Variants in KCNIP4 observed in about 807,000 individuals in gnomAD.
The protein encoded by KCNIP4 is Kv channel-interacting protein 4.
A neutral mutation model predicts 34.0 loss-of-function variants in KCNIP4; 12 were observed. The observed-to-expected ratio is 0.35, with a 90% CI of 0.23 to 0.57. The LOEUF (loss-of-function observed/expected upper bound fraction) is 0.57, where lower values mean the gene tolerates loss of function less well. Ranked by LOEUF, KCNIP4 falls within the 20% of genes least tolerant of loss-of-function variation. The pLI, the probability that KCNIP4 is intolerant of heterozygous loss-of-function variation, is 0.83. For synonymous variants in KCNIP4, 124 were observed against 102.2 expected, an observed-to-expected ratio of 1.21 and a Z score of -1.29; for missense variants, 238 against 311.7, an observed-to-expected ratio of 0.76 and a Z score of 1.78.
chr4:21,176,910 C>T (rs1343029203), intron 1 of KCNIP4, among the ~76,000 whole-genome samples: 1 of 152,210 alleles, frequency 6.6e-6, no homozygotes, highest in Non-Finnish European at 1.5e-5. Context: ...AAAGTTTTAT[C>T]TATCTCACAT....
chr4:20,959,996 A>C (rs527863813), intron 1 of KCNIP4, among the ~76,000 whole-genome samples: 1 of 152,342 alleles, frequency 6.6e-6, no homozygotes, highest in Non-Finnish European at 1.5e-5. Flanking sequence ...TTTTAATATC[A>C]CCATTGTCTG....
chr4:20,926,855 T>A (rs1196239910), intron 1 of KCNIP4, among the ~76,000 whole-genome samples: 1 of 152,242 alleles, frequency 6.6e-6, no homozygotes, highest in Non-Finnish European at 1.5e-5. Flanking sequence ...AATATTTAGT[T>A]TTTGAACACT....
rs3080866 is a variant in KCNIP4, at chr4:21,276,361, CTTT to C, written c.62-393655_62-393653del. ...TAGTCCTAGTAAACTGAGATTTTCTCTTTTTTTTTTTTTTTTTTTGGGTAGATA... is the reference window on the plus strand; with the variant it reads ...TAGTCCTAGTAAACTGAGATTTTCTCTTTTTTTTTTTTTTTTGGGTAGATA... On this transcript the variant is annotated intron_variant, in intron 1 of 8. Coordinates refer to ENST00000382152, the MANE Select transcript of KCNIP4 (RefSeq NM_025221.6). Among the ~76,000 whole-genome samples the C allele has an allele frequency of 6.1e-3, 791 of 129,186 alleles. 5 individuals are homozygous for C. Among genetic ancestry groups the C allele is most frequent in the African/African-American group, 0.02 (683 of 34,840 alleles). The allele number at this position is 129,186 out of a possible 152,430, so 84.8% of individuals were successfully genotyped here. A position where few individuals can be genotyped will look rare whatever the true frequency, so the allele number is the denominator to read the frequency against.
At chr4:21,622,948 T>C (rs900001424) in intron 1 of KCNIP4, among the ~76,000 whole-genome samples, 1 of 146,176 alleles carries the variant, frequency 6.8e-6, no homozygotes, top group Non-Finnish European at 1.5e-5. Context: ...TAGGTGAAAA[T>C]ATCCAGTCAT....
intron 1 of KCNIP4, among the ~76,000 whole-genome samples, chr4:21,704,623 A>G (rs1713123682): frequency 6.6e-6 from 1 of 152,208 alleles, no homozygotes; most frequent in Non-Finnish European, 1.5e-5. Flanking sequence ...TAATAGCATT[A>G]CTAATTATTG....
intron 1 of KCNIP4, among the ~76,000 whole-genome samples, chr4:21,784,331 G>T (rs192354309): frequency 1.4e-3 from 207 of 152,068 alleles, no homozygotes; most frequent in Non-Finnish European, 2.1e-3. Flanking sequence ...CAAATCCTGT[G>T]CTCTGTCACT....
intron 1 of KCNIP4, among the ~76,000 whole-genome samples, chr4:20,946,953 G>A (rs1208990236): frequency 6.6e-6 from 1 of 152,140 alleles, no homozygotes; most frequent in Non-Finnish European, 1.5e-5. Flanking sequence ...CTTTGAGGAT[G>A]AGCCTGCCTA....
rs5856578 is a variant in KCNIP4 at position 20,764,681 on chromosome 4, GACACACACACAC to G, written c.289-5803_289-5792del. ...ACCGACTAGAATCACATGGGAATTG[GACACACACACAC>G]ACACACACACACACAACCCCATGAA... On this transcript the variant is annotated intron_variant, in intron 3 of 8. Transcript: ENST00000382152. 2.9e-4 allele frequency among the ~76,000 whole-genome samples: 43 copies of G among 147,220 alleles called. No homozygotes were observed. The East Asian group carries it at 8.5e-3, about 29-fold the overall frequency.
chr4:21,108,528 T>C (rs1748809437), intron 1 of KCNIP4, among the ~76,000 whole-genome samples: 1 of 151,650 alleles, frequency 6.6e-6, no homozygotes, highest in Non-Finnish European at 1.5e-5. Context: ...TTTAACTTCT[T>C]TGCCTTTGGT....
intron 1 of KCNIP4, among the ~76,000 whole-genome samples, chr4:21,530,029 C>T (rs1009570946): frequency 6.6e-6 from 1 of 152,142 alleles, no homozygotes; most frequent in Non-Finnish European, 1.5e-5. Context: ...GCATCAGGCA[C>T]TTTGTAGTGC....
intron 1 of KCNIP4, among the ~76,000 whole-genome samples, chr4:21,501,266 A>ACT (rs1169789967): frequency 6.6e-6 from 1 of 151,516 alleles, no homozygotes. Context: ...ACACACACAC[A>ACT]CACACACATG....
chr4:21,538,704 C>A (rs999118914), intron 1 of KCNIP4, among the ~76,000 whole-genome samples: 4 of 152,086 alleles, frequency 2.6e-5, no homozygotes, highest in Non-Finnish European at 5.9e-5. Flanking sequence ...CACACATTAC[C>A]CAGTGGTTTT....
intron 1 of KCNIP4, among the ~76,000 whole-genome samples, chr4:20,911,478 A>C (rs1728320626): frequency 6.6e-6 from 1 of 152,286 alleles, no homozygotes; most frequent in African/African-American, 2.4e-5. Context: ...GGGTTAAATT[A>C]ATTTTCAAAG....
At chr4:21,500,590 T>C (rs918197186) in intron 1 of KCNIP4, among the ~76,000 whole-genome samples, 17 of 152,178 alleles carry the variant, frequency 1.1e-4, no homozygotes, top group Non-Finnish European at 1.9e-4. Context: ...GATTGATAAG[T>C]TCATTACAGT....
chr4:21,096,512 T>C (rs1747469406), intron 1 of KCNIP4, among the ~76,000 whole-genome samples: 1 of 152,178 alleles, frequency 6.6e-6, no homozygotes, highest in South Asian at 2.1e-4. Context: ...TTTGACTATG[T>C]AATGTCTTCA....
At chr4:20,748,933 G>C (rs1240917526) in intron 5 of KCNIP4, among the ~76,000 whole-genome samples, 1 of 148,546 alleles carries the variant, frequency 6.7e-6, no homozygotes, top group Non-Finnish European at 1.5e-5. Flanking sequence ...ACATATATAA[G>C]CTATGTAAAT....
At chr4:21,625,219 T>TA (rs1745243596) in intron 1 of KCNIP4, among the ~76,000 whole-genome samples, 2 of 152,124 alleles carry the variant, frequency 1.3e-5, no homozygotes, top group Non-Finnish European at 2.9e-5. Context: ...AACTATTTTT[T>TA]ACCTCTATTT....
chr4:21,930,350 T>C (rs745363678), intron 1 of KCNIP4, among the ~76,000 whole-genome samples: 93 of 152,254 alleles, frequency 6.1e-4, no homozygotes, highest in South Asian at 1.0e-3. Flanking sequence ...CTGGTCTACA[T>C]TGTTCGTACC....
chr4:21,519,881 T>C (rs1258163365), intron 1 of KCNIP4, among the ~76,000 whole-genome samples: 1 of 147,772 alleles, frequency 6.8e-6, no homozygotes, highest in South Asian at 2.1e-4. Context: ...ATAAATTATA[T>C]ATAATTTAAT....
Sources: gnomAD v4.1 joint callset for allele counts (sites outside exome capture counted in the v4.1 genomes callset) on GRCh38, gnomAD v4.1.1 for gene constraint, MANE v1.5 for transcripts, NCBI Gene and HGNC (gene_info 2026-07-23, HGNC 2026-07-21) for gene names.